CNIH3: variants seen among roughly 807,000 people sequenced by gnomAD.
CNIH3 encodes the protein protein cornichon homolog 3.
In CNIH3, 14 loss-of-function variants were observed where a neutral mutation model predicts 24.1. The ratio of observed to expected loss-of-function variants is 0.58; its 90% CI spans 0.38 to 0.91. CNIH3 has a LOEUF of 0.91. Ranked by LOEUF, CNIH3 falls within the 40% of genes least tolerant of loss-of-function variation. CNIH3 has a pLI of 0.00. For synonymous variants in CNIH3, 68 were observed against 73.8 expected, an observed-to-expected ratio of 0.92 and a Z score of 0.40; for missense variants, 178 against 196.8, an observed-to-expected ratio of 0.90 and a Z score of 0.57.
chr1:224,572,866 T>C (rs2125002730), intron 4 of CNIH3, among the ~76,000 whole-genome samples: 1 of 152,220 alleles, frequency 6.6e-6, no homozygotes, highest in East Asian at 1.9e-4. Flanking sequence ...TGGTTTCTTG[T>C]TGTTGTTGTT....
At chr1:224,551,177 C>G (rs1679905754) in intron 3 of CNIH3, among the ~76,000 whole-genome samples, 1 of 151,984 alleles carries the variant, frequency 6.6e-6, no homozygotes, top group African/African-American at 2.4e-5. Context: ...CCTCAGGGAT[C>G]TAGAACTAGA....
intron 1 of CNIH3, among the ~76,000 whole-genome samples, chr1:224,474,443 A>G (rs965388451): frequency 1.3e-5 from 2 of 152,072 alleles, no homozygotes; most frequent in Non-Finnish European, 2.9e-5. Flanking sequence ...ACCAAAAACT[A>G]TGACATACAT....
At chr1:224,661,283 T>C (rs1685342140) in intron 1 of CNIH3, 1 of 302,114 alleles carries the variant, frequency 3.3e-6, no homozygotes, top group Non-Finnish European at 6.8e-6. Context: ...ATCCTTTTTT[T>C]AGTAATTTTT....
chr1:224,673,562 C>T (rs1685977774), intron 1 of CNIH3, among the ~76,000 whole-genome samples: 1 of 152,176 alleles, frequency 6.6e-6, no homozygotes, highest in Admixed American at 6.5e-5. Flanking sequence ...TGAAAGATAC[C>T]TCGTCAGAGA....
At chr1:224,661,736 T>C in intron 1 of CNIH3, 2 of 198,822 alleles carry the variant, frequency 1.0e-5, no homozygotes, top group East Asian at 2.7e-4. Context: ...GCACCTCACG[T>C]CTCGGCTACT....
At chr1:224,450,685 A>G (rs1363610821) in intron 1 of CNIH3, among the ~76,000 whole-genome samples, 3 of 152,208 alleles carry the variant, frequency 2.0e-5, no homozygotes, top group Non-Finnish European at 4.4e-5. Flanking sequence ...GATGTACTAG[A>G]TACTTATTGG....
chr1:224,689,836 C>G (rs1044860681), intron 3 of CNIH3, among the ~76,000 whole-genome samples: 4 of 152,144 alleles, frequency 2.6e-5, no homozygotes, highest in African/African-American at 4.8e-5. Context: ...CTTGTGTTGA[C>G]TTGTGCTCAT....
intron 1 of CNIH3, among the ~76,000 whole-genome samples, chr1:224,467,325 A>G (rs1257310304): frequency 6.6e-6 from 1 of 152,094 alleles, no homozygotes; most frequent in Non-Finnish European, 1.5e-5. Context: ...GTGAGCCACT[A>G]TGCCTGGCTC....
At chr1:224,689,391 C>T (rs752526244) in intron 3 of CNIH3, among the ~76,000 whole-genome samples, 2 of 152,218 alleles carry the variant, frequency 1.3e-5, no homozygotes, top group Non-Finnish European at 2.9e-5. Flanking sequence ...TAAGCACACA[C>T]TTGGCCAGCC....
At chr1:224,502,047 G>C (rs1264852104) in intron 1 of CNIH3, among the ~76,000 whole-genome samples, 1 of 152,114 alleles carries the variant, frequency 6.6e-6, no homozygotes, top group Non-Finnish European at 1.5e-5. Flanking sequence ...GGTGAGCAGA[G>C]GATCCTCTGG....
downstream of CNIH3, among the ~76,000 whole-genome samples, chr1:224,537,763 A>T (rs1451443331): frequency 6.6e-6 from 1 of 152,346 alleles, no homozygotes; most frequent in South Asian, 2.1e-4. Flanking sequence ...AGCAGCAATT[A>T]TAAGAACAAT....
At chr1:224,627,898 A>C (rs940715089) in intron 1 of CNIH3, among the ~76,000 whole-genome samples, 2 of 152,090 alleles carry the variant, frequency 1.3e-5, no homozygotes, top group Non-Finnish European at 2.9e-5. Flanking sequence ...TCACCACCTG[A>C]GTCTCAGAGG....
intron 3 of CNIH3, among the ~76,000 whole-genome samples, chr1:224,561,312 TC>T (rs1680364808): frequency 2.0e-5 from 3 of 152,322 alleles, no homozygotes; most frequent in South Asian, 4.1e-4. Context: ...TCATGAATTT[TC>T]CTATATATAA....
chr1:224,529,745 G>A (rs1292483080), intron 2 of CNIH3, among the ~76,000 whole-genome samples: 1 of 152,204 alleles, frequency 6.6e-6, no homozygotes, highest in South Asian at 2.1e-4. Context: ...GGGACTCCAT[G>A]GGGAAAATGA....
chr1:224,618,299 G>A (rs1218168232), intron 1 of CNIH3, among the ~76,000 whole-genome samples: 3 of 152,246 alleles, frequency 2.0e-5, no homozygotes, highest in Non-Finnish European at 4.4e-5. Flanking sequence ...GCACCCCAGT[G>A]CATAATTTCC....
chr1:224,479,462 A>G (rs953825149), intron 1 of CNIH3, among the ~76,000 whole-genome samples: 4 of 152,058 alleles, frequency 2.6e-5, no homozygotes, highest in African/African-American at 4.8e-5. Flanking sequence ...CAGTCCCCCA[A>G]AGTCTTAACT....
intron 1 of CNIH3, among the ~76,000 whole-genome samples, chr1:224,667,917 T>C (rs978388938): frequency 1.3e-5 from 2 of 152,152 alleles, no homozygotes; most frequent in Non-Finnish European, 2.9e-5. Flanking sequence ...AGACAAAGTA[T>C]AGTGGCCGCT....
intron 1 of CNIH3, among the ~76,000 whole-genome samples, chr1:224,671,457 G>T (rs192432531): frequency 1.3e-5 from 2 of 152,164 alleles, no homozygotes; most frequent in African/African-American, 2.4e-5. Flanking sequence ...ATTAATAAAG[G>T]TTCCTCACTC....
intron 1 of CNIH3, among the ~76,000 whole-genome samples, chr1:224,655,262 A>G (rs1203295179): frequency 2.0e-5 from 3 of 152,326 alleles, no homozygotes; most frequent in Non-Finnish European, 4.4e-5. Context: ...GAACTGGGCA[A>G]TAAGTACCCT....
Sources: gnomAD v4.1 joint callset for allele counts (sites outside exome capture counted in the v4.1 genomes callset) on GRCh38, gnomAD v4.1.1 for gene constraint, MANE v1.5 for transcripts, NCBI Gene and HGNC (gene_info 2026-07-23, HGNC 2026-07-21) for gene names.